CDKAL1: variants seen among roughly 807,000 people sequenced by gnomAD.
CDKAL1 encodes the protein CDKAL1 threonylcarbamoyladenosine tRNA methylthiotransferase.
CDKAL1 carries 32 observed loss-of-function variants against 68.2 expected under a neutral mutation model. The observed-to-expected ratio is 0.47, with a 90% confidence interval of 0.35 to 0.63. The LOEUF is 0.63. Among genes scored for constraint, CDKAL1 ranks in the 30% least tolerant of loss-of-function variants. The pLI, the probability that CDKAL1 is intolerant of heterozygous loss-of-function variation, is 0.00. For synonymous variants in CDKAL1, 234 were observed against 244.3 expected (o/e 0.96, Z 0.39); for missense variants, 606 against 696.7 (o/e 0.87, Z 1.47).
At chr6:21,026,520 C>G (rs752506329) in intron 11 of CDKAL1, among the ~76,000 whole-genome samples, 46 of 152,086 alleles carry the variant, frequency 3.0e-4, no homozygotes, top group Non-Finnish European at 6.2e-4. Flanking sequence ...TAGTAACTTG[C>G]TACATAGTTT....
In CDKAL1 at chr6:21,201,240, C is replaced by T. The variant is rs373139963; in HGVS notation, c.1514C>T (p.Pro505Leu). ...GTGTACACGCCCTCCATCAGCAAAC[C>T]GCTAGCAAAGGGAGAAGTCTCGGGT... ...AKVYTPSISK[P>L]LAKGEVSGLT... is the part of the protein sequence containing the mutation. Residue 505 changes from proline to leucine, a missense_variant, in exon 15 of 16, where the codon CCG becomes CTG. By Grantham distance (98) the Pro-to-Leu change is moderately conservative. Transcript: ENST00000274695. 8 of 1,610,566 alleles carry T rather than the reference C, an allele frequency of 5.0e-6. No individual in the cohort carries two copies. Among genetic ancestry groups the T allele is most frequent in the Admixed American group, 1.7e-5 (1 of 59,960 alleles).
intron 10 of CDKAL1, among the ~76,000 whole-genome samples, chr6:20,999,480 A>C (rs1270451178): frequency 6.6e-6 from 1 of 151,766 alleles, no homozygotes. Flanking sequence ...AATGTTTTTC[A>C]CTTAAATGTA....
intron 4 of CDKAL1, among the ~76,000 whole-genome samples, chr6:20,608,118 A>G (rs1054537146): frequency 6.6e-6 from 1 of 152,242 alleles, no homozygotes; most frequent in Non-Finnish European, 1.5e-5. Context: ...TTGGGTACAT[A>G]GAAGTTTACT....
chr6:20,610,190 T>G (rs1299116194), intron 4 of CDKAL1, among the ~76,000 whole-genome samples: 1 of 152,174 alleles, frequency 6.6e-6, no homozygotes, highest in East Asian at 1.9e-4. Context: ...TGATGGACAT[T>G]TAGGTTGATT....
At chr6:20,838,947 C>A (rs1302188426) in intron 8 of CDKAL1, among the ~76,000 whole-genome samples, 1 of 151,130 alleles carries the variant, frequency 6.6e-6, no homozygotes, top group African/African-American at 2.4e-5. Context: ...TGCACACCAG[C>A]CTGGGAGACA....
intron 4 of CDKAL1, among the ~76,000 whole-genome samples, chr6:20,600,518 A>G (rs1766035256): frequency 6.6e-6 from 1 of 151,926 alleles, no homozygotes; most frequent in Admixed American, 6.6e-5. Flanking sequence ...TTAAATCATT[A>G]TTTTTTGTAA....
At chr6:20,587,482 C>T (rs528866530) in intron 4 of CDKAL1, among the ~76,000 whole-genome samples, 131 of 152,126 alleles carry the variant, frequency 8.6e-4, no homozygotes, top group African/African-American at 3.1e-3. Context: ...CTTGTAATCC[C>T]AGCACTTTGA....
chr6:20,827,693 A>G (rs1777556102), intron 8 of CDKAL1, among the ~76,000 whole-genome samples: 1 of 152,098 alleles, frequency 6.6e-6, no homozygotes, highest in Non-Finnish European at 1.5e-5. Context: ...TGTTCGTTTA[A>G]CATTTGCAAA....
intron 12 of CDKAL1, among the ~76,000 whole-genome samples, chr6:21,076,588 G>A (rs1258047118): frequency 2.0e-5 from 3 of 152,166 alleles, no homozygotes; most frequent in Non-Finnish European, 4.4e-5. Flanking sequence ...TTTACTCAGT[G>A]TCAGATTTTT....
At chr6:20,695,165 A>G (rs1341125522) in intron 5 of CDKAL1, among the ~76,000 whole-genome samples, 1 of 152,004 alleles carries the variant, frequency 6.6e-6, no homozygotes, top group Non-Finnish European at 1.5e-5. Context: ...TAGTATACAT[A>G]TTTTAAGACT....
chr6:20,969,267 T>C (rs1042782666), intron 10 of CDKAL1, among the ~76,000 whole-genome samples: 5 of 152,190 alleles, frequency 3.3e-5, no homozygotes, highest in African/African-American at 1.2e-4. Context: ...GCACGTGTGT[T>C]ATGTGTATTA....
Position 21,231,975 on chromosome 6 carries a change from A to G in CDKAL1, c.*936A>G, listed in dbSNP as rs944422946. On this transcript the variant is annotated 3_prime_UTR_variant, in exon 16 of 16. Transcript: ENST00000274695. ...AAACTAATTGTGCCCATTTTCTCAC[A>G]TTTTTGATCCATTGGGGTTTTTTTT... The G allele has an allele frequency of 7.5e-6, 1 of 133,876 alleles. No homozygotes were observed. Among genetic ancestry groups the G allele is most frequent in the African/African-American group, 2.7e-5 (1 of 36,994 alleles). The allele number at this position is 133,876 out of a possible 1,614,324, so 8.3% of individuals were successfully genotyped here.
intron 13 of CDKAL1, among the ~76,000 whole-genome samples, chr6:21,190,827 A>G (rs533126679): frequency 3.2e-4 from 49 of 152,292 alleles, no homozygotes; most frequent in Non-Finnish European, 6.0e-4. Context: ...TCCTTTGTGA[A>G]TTTTTTGTTA....
At chr6:20,583,498 G>A (rs1765219213) in intron 4 of CDKAL1, among the ~76,000 whole-genome samples, 1 of 152,104 alleles carries the variant, frequency 6.6e-6, no homozygotes, top group Non-Finnish European at 1.5e-5. Context: ...TCAGACTGGT[G>A]CAATGTGGAA....
At chr6:20,667,932 A>G (rs770859031) in intron 5 of CDKAL1, among the ~76,000 whole-genome samples, 3 of 152,122 alleles carry the variant, frequency 2.0e-5, no homozygotes, top group Non-Finnish European at 4.4e-5. Flanking sequence ...AGGGTGTGCA[A>G]TGGAAACTTC....
At chr6:20,712,458 G>A (rs1383570109) in intron 5 of CDKAL1, among the ~76,000 whole-genome samples, 2 of 150,522 alleles carry the variant, frequency 1.3e-5, no homozygotes, top group African/African-American at 2.4e-5. Context: ...GAAAGTTTTA[G>A]GACAAATGTT....
chr6:20,718,908 A>G (rs1772215494), intron 5 of CDKAL1, among the ~76,000 whole-genome samples: 1 of 152,164 alleles, frequency 6.6e-6, no homozygotes, highest in African/African-American at 2.4e-5. Flanking sequence ...TCTTAATCCT[A>G]CCTCTAGGGG....
intron 4 of CDKAL1, among the ~76,000 whole-genome samples, chr6:20,638,348 A>G (rs1767998237): frequency 6.6e-6 from 1 of 152,156 alleles, no homozygotes; most frequent in South Asian, 2.1e-4. Flanking sequence ...TCATTTTTTC[A>G]TGAACTCTCA....
At chr6:20,624,068 G>A (rs1446918467) in intron 4 of CDKAL1, among the ~76,000 whole-genome samples, 1 of 151,978 alleles carries the variant, frequency 6.6e-6, no homozygotes, top group Non-Finnish European at 1.5e-5. Flanking sequence ...TTGACATGAG[G>A]CTTATTGTAG....
Sources: gnomAD v4.1 joint callset for allele counts (sites outside exome capture counted in the v4.1 genomes callset) on GRCh38, gnomAD v4.1.1 for gene constraint, MANE v1.5 for transcripts, NCBI Gene and HGNC (gene_info 2026-07-23, HGNC 2026-07-21) for gene names.